ANXA9: variants seen among roughly 807,000 people sequenced by gnomAD.
The protein encoded by ANXA9 is annexin 31.
ANXA9 carries 47 observed loss-of-function variants against 51.8 expected under a neutral mutation model. That is an observed-to-expected ratio of 0.91 (90% CI 0.72 to 1.16). The LOEUF (loss-of-function observed/expected upper bound fraction) is 1.16, where lower values mean the gene tolerates loss of function less well. Ranked by LOEUF, ANXA9 falls within the 50% of genes most tolerant of loss-of-function variation. The probability of loss-of-function intolerance (pLI) is 0.00; values close to 1 mark genes in which losing one functional copy is unlikely to be tolerated. For synonymous variants in ANXA9, 154 were observed against 168.7 expected (o/e 0.91, Z 0.68); for missense variants, 361 against 424.7 (o/e 0.85, Z 1.32).
At chr1:150,994,530 A>G in intron 12 of ANXA9, 47 bp from the exon 13 acceptor site, 2 of 1,608,910 alleles carry the variant, frequency 1.2e-6, no homozygotes, top group Non-Finnish European at 1.7e-6. Flanking sequence ...CCCTACTCTC[A>G]GTGAGACTCT....
upstream of ANXA9, among the ~76,000 whole-genome samples, chr1:150,980,270 C>G (rs988518893): frequency 2.0e-5 from 3 of 151,916 alleles, no homozygotes; most frequent in Non-Finnish European, 2.9e-5. Flanking sequence ...ATGGCAGGCG[C>G]CTATAATCCC....
At chr1:150,978,831 G>A (rs1671373804), upstream of ANXA9, among the ~76,000 whole-genome samples, 1 of 152,018 alleles carries the variant, frequency 6.6e-6, no homozygotes, top group South Asian at 2.1e-4. Flanking sequence ...GGGCATGGTG[G>A]TGCATGCCTG....
intron 7 of ANXA9, among the ~76,000 whole-genome samples, chr1:150,986,114 T>C (rs1671550251): frequency 1.3e-5 from 2 of 152,162 alleles, no homozygotes; most frequent in Admixed American, 6.6e-5. Flanking sequence ...AGGTTGGTGC[T>C]TGGTGATGAA....
At chr1:150,985,355 T>C (rs1248851793) in intron 7 of ANXA9, among the ~76,000 whole-genome samples, 3 of 152,090 alleles carry the variant, frequency 2.0e-5, no homozygotes, top group Admixed American at 2.0e-4. Flanking sequence ...CATTCCAAGC[T>C]GAACCCAGCC....
chr1:150,986,013 G>C (rs1671547809), intron 7 of ANXA9, among the ~76,000 whole-genome samples: 2 of 151,992 alleles, frequency 1.3e-5, no homozygotes, highest in Non-Finnish European at 2.9e-5. Flanking sequence ...GAGGGTGCCA[G>C]GTCCTAACCA....
At chr1:150,985,777 A>G (rs1671541645) in intron 7 of ANXA9, among the ~76,000 whole-genome samples, 2 of 152,076 alleles carry the variant, frequency 1.3e-5, no homozygotes, top group Non-Finnish European at 2.9e-5. Flanking sequence ...TGTGTTGTCC[A>G]GGCTGGTCTC....
rs778381438 is a variant in ANXA9 at position 150,994,661 on chromosome 1, AG to A, written c.939del (p.Lys314ArgfsTer15). 6.2e-6 allele frequency: 10 copies of A among 1,614,104 alleles called. No homozygotes were observed. In the Admixed American group the frequency reaches 1.2e-4, roughly 19 times the overall value. On this transcript the variant is annotated frameshift_variant, in exon 13 of 14. Transcript: ENST00000368947. LOFTEE classifies it high-confidence loss of function. ...TDLLSIRAEF[R>X]KKFGKSLYSS... Reference sequence around the variant, plus strand: ...CCTTCTGAGTATCAGAGCTGAGTTCAGGAAGAAATTTGGGAAGTCCCTCTAC... The same window carrying A: ...CCTTCTGAGTATCAGAGCTGAGTTCAGAAGAAATTTGGGAAGTCCCTCTAC...
chr1:150,987,799 T>C, intron 9 of ANXA9, 73 bp from the exon 10 acceptor site: 1 of 1,251,460 alleles, frequency 8.0e-7, no homozygotes, highest in Non-Finnish European at 1.1e-6. Context: ...TTCTGGAACG[T>C]CATACCCATG....
At chr1:150,992,627 T>C (rs1178507758) in intron 12 of ANXA9, among the ~76,000 whole-genome samples, 2 of 151,888 alleles carry the variant, frequency 1.3e-5, no homozygotes, top group Non-Finnish European at 2.9e-5. Context: ...CTGGCCAACA[T>C]GGTAAAACCC....
At chr1:150,979,006 G>T (rs912834651), upstream of ANXA9, among the ~76,000 whole-genome samples, 6 of 151,892 alleles carry the variant, frequency 4.0e-5, no homozygotes, top group African/African-American at 1.5e-4. Flanking sequence ...TCCTCTCTAA[G>T]ATTTCCTCCA....
chr1:150,983,302 G>C, intron 3 of ANXA9, 36 bp from the exon 4 acceptor site: 2 of 1,609,368 alleles, frequency 1.2e-6, no homozygotes, highest in Non-Finnish European at 1.7e-6. Flanking sequence ...AGGCAGCCTG[G>C]CCCTGGCCCT....
At chr1:150,989,238 C>T (rs1322670496) in intron 12 of ANXA9, among the ~76,000 whole-genome samples, 2 of 151,830 alleles carry the variant, frequency 1.3e-5, no homozygotes, top group African/African-American at 4.8e-5. Context: ...CTCGGCCTCC[C>T]GAAGTGCTAG....
upstream of ANXA9, among the ~76,000 whole-genome samples, chr1:150,981,674 C>A (rs183061648): frequency 5.3e-5 from 8 of 152,348 alleles, no homozygotes; most frequent in East Asian, 1.5e-3. Flanking sequence ...GAAGGTAACA[C>A]CCTTTGCATT....
In ANXA9 at chr1:150,987,386, A is replaced by T. The variant is rs866596328; in HGVS notation, c.613-486A>T. Among the ~76,000 whole-genome samples the T allele has an allele frequency of 1.2e-3, 186 of 149,220 alleles. 1 individual carries two copies. Among genetic ancestry groups the T allele is most frequent in the African/African-American group, 1.7e-3 (70 of 40,574 alleles). Reference sequence around the variant, plus strand: ...CTCTCTCTCTCTCTCTCTCTCACACACACACACACACACACACGCACACAC... The same window carrying T: ...CTCTCTCTCTCTCTCTCTCTCACACTCACACACACACACACACGCACACAC... On this transcript the variant is annotated intron_variant, in intron 9 of 13. Coordinates refer to ENST00000368947, the MANE Select transcript of ANXA9 (RefSeq NM_003568.3).
Position 150,984,058 on chromosome 1 carries a change from C to A in ANXA9, c.256C>A (p.Arg86Ser), listed in dbSNP as rs201382965. 1 of 1,611,212 alleles carries A rather than the reference C, an allele frequency of 6.2e-7. No individual in the cohort carries two copies. Among genetic ancestry groups the A allele is most frequent in the East Asian group, 2.2e-5 (1 of 44,866 alleles). Residue 86 changes from arginine (R) to serine (S), a missense_variant, in exon 5 of 14, where the codon CGC (arginine) becomes AGC (serine). Physicochemically the swap from Arg to Ser is moderately radical, Grantham distance 110. Transcript: ENST00000368947. Reference sequence around the variant, plus strand: ...GCTCATCTCACGAAACTTCCAGGAGCGCACCCAACAGGTGAGGCCATGCTG... The same window carrying A: ...GCTCATCTCACGAAACTTCCAGGAGAGCACCCAACAGGTGAGGCCATGCTG... Reference protein sequence around the residue: ...RQLISRNFQERTQQDLMKSLQ... With the variant: ...RQLISRNFQESTQQDLMKSLQ...
At chr1:150,985,788 G>C (rs746371021) in intron 7 of ANXA9, among the ~76,000 whole-genome samples, 1 of 151,994 alleles carries the variant, frequency 6.6e-6, no homozygotes, top group African/African-American at 2.4e-5. Flanking sequence ...GGCTGGTCTC[G>C]AACTTCTGGG....
At chr1:150,984,473 C>T in intron 6 of ANXA9, 79 bp downstream of exon 6, 1 of 1,523,562 alleles carries the variant, frequency 6.6e-7, no homozygotes, top group African/African-American at 1.4e-5. Context: ...ACGAGAGTCC[C>T]CCTCTCGTCG....
Position 150,988,373 on chromosome 1 carries a change from C to T in ANXA9, c.852+32C>T, listed in dbSNP as rs1347894657. ...GGGGCACTCCTTTCCCTCCCCAGAA[C>T]AGAAACTGGGGAGGAGAGAGGAAGT... On this transcript the variant is annotated intron_variant, in intron 12 of 13. Transcript: ENST00000368947. The T allele has an allele frequency of 6.2e-6, 10 of 1,608,890 alleles. No homozygotes were observed. The South Asian group carries it at 1.1e-4, about 18-fold the overall frequency.
upstream of ANXA9, among the ~76,000 whole-genome samples, chr1:150,978,423 C>A (rs1049739074): frequency 8.6e-5 from 13 of 152,042 alleles, no homozygotes; most frequent in African/African-American, 3.1e-4. Flanking sequence ...GAGTAAGACT[C>A]GGTCTCAATA....
Sources: gnomAD v4.1 joint callset for allele counts (sites outside exome capture counted in the v4.1 genomes callset) on GRCh38, gnomAD v4.1.1 for gene constraint, MANE v1.5 for transcripts, NCBI Gene and HGNC (gene_info 2026-07-23, HGNC 2026-07-21) for gene names.